ARHGAP6: variants seen among roughly 807,000 people sequenced by gnomAD.
ARHGAP6 encodes rho GTPase-activating protein 6.
A neutral mutation model predicts 55.7 loss-of-function variants in ARHGAP6; 16 were observed. The observed-to-expected ratio is 0.29, with a 90% confidence interval of 0.19 to 0.44. ARHGAP6 has a LOEUF of 0.44. Ranked by LOEUF, ARHGAP6 falls within the 20% of genes least tolerant of loss-of-function variation. The pLI is 1.00. For missense variants in ARHGAP6, 698 were observed against 808.9 expected, an observed-to-expected ratio of 0.86 and a Z score of 1.66; for synonymous variants, 382 against 360.9, an observed-to-expected ratio of 1.06 and a Z score of -0.66.
intron 1 of ARHGAP6, among the ~76,000 whole-genome samples, chrX:11,567,314 T>C (rs994392707): frequency 2.7e-5 from 3 of 110,546 alleles, no homozygotes; most frequent in Admixed American, 9.6e-5. Flanking sequence ...GTTACTTCTG[T>C]GAGCAATTTG....
chrX:11,367,721 T>A, intron 1 of ARHGAP6: 1 of 643,510 alleles, frequency 1.6e-6, no homozygotes, highest in South Asian at 8.1e-5. Context: ...ATCTTGTGCT[T>A]GTGGCTGGCT....
chrX:11,388,002 T>C (rs777162663), intron 1 of ARHGAP6, among the ~76,000 whole-genome samples: 14 of 112,047 alleles, frequency 1.2e-4, no homozygotes, highest in Admixed American at 6.6e-4. Flanking sequence ...TGAATAGTGC[T>C]GCAATAAACA....
intron 1 of ARHGAP6, among the ~76,000 whole-genome samples, chrX:11,421,622 T>G (rs1322991787): frequency 8.9e-6 from 1 of 112,229 alleles, no homozygotes; most frequent in Non-Finnish European, 1.9e-5. Context: ...TGAAAACTTG[T>G]ACTAGATTAC....
At chrX:11,320,262 A>G (rs964885175) in intron 1 of ARHGAP6, among the ~76,000 whole-genome samples, 2 of 111,925 alleles carry the variant, frequency 1.8e-5, no homozygotes, top group African/African-American at 6.5e-5. Flanking sequence ...CTAGACCGGC[A>G]TCTCCTCAGG....
intron 1 of ARHGAP6, among the ~76,000 whole-genome samples, chrX:11,505,569 A>C (rs1348431833): frequency 9.0e-6 from 1 of 111,516 alleles, no homozygotes; most frequent in Admixed American, 9.6e-5. Context: ...AGAGGAATAT[A>C]AATAATTCTA....
intron 1 of ARHGAP6, among the ~76,000 whole-genome samples, chrX:11,491,970 G>A (rs1403396387): frequency 1.8e-5 from 2 of 108,398 alleles, no homozygotes; most frequent in Admixed American, 2.0e-4. Context: ...GCCAGTGATG[G>A]TAAGCATTTT....
At chrX:11,151,495 C>G (rs1489988507) in intron 10 of ARHGAP6, among the ~76,000 whole-genome samples, 1 of 110,874 alleles carries the variant, frequency 9.0e-6, no homozygotes, top group Non-Finnish European at 1.9e-5. Context: ...TCACAGACTC[C>G]TGGTCTTGCA....
intron 1 of ARHGAP6, among the ~76,000 whole-genome samples, chrX:11,302,738 T>C (rs1299661658): frequency 1.8e-5 from 2 of 111,065 alleles, no homozygotes; most frequent in Non-Finnish European, 3.8e-5. Context: ...TTCTTTCCAT[T>C]ACAATCATTT....
At chrX:11,503,466 T>C (rs1331691774) in intron 1 of ARHGAP6, among the ~76,000 whole-genome samples, 1 of 111,798 alleles carries the variant, frequency 8.9e-6, no homozygotes, top group African/African-American at 3.3e-5. Flanking sequence ...TACATTTTAA[T>C]AATCTTTTTG....
chrX:11,558,836 C>CAAAAAAAAAAAAAAAAAAAA (rs58936931), intron 1 of ARHGAP6, among the ~76,000 whole-genome samples: 1 of 30,079 alleles, frequency 3.3e-5, no homozygotes, highest in Non-Finnish European at 5.6e-5. Context: ...GATTCCATCT[C>CAAAAAAAAAAAAAAAAAAAA]AAAAAAAAAA....
At chrX:11,494,114 G>A (rs1293046642) in intron 1 of ARHGAP6, among the ~76,000 whole-genome samples, 2 of 111,165 alleles carry the variant, frequency 1.8e-5, no homozygotes, top group Non-Finnish European at 3.8e-5. Context: ...AGTGTCCCTG[G>A]TATCTACCCA....
chrX:11,349,211 ATTT>A (rs1468357860), intron 1 of ARHGAP6, among the ~76,000 whole-genome samples: 1 of 111,182 alleles, frequency 9.0e-6, no homozygotes, highest in African/African-American at 3.3e-5. Flanking sequence ...AGACACTGGC[ATTT>A]TTTGCTGAAT....
At chrX:11,519,860 G>T (rs1289054093) in intron 1 of ARHGAP6, among the ~76,000 whole-genome samples, 2 of 104,028 alleles carry the variant, frequency 1.9e-5, no homozygotes, top group Non-Finnish European at 3.9e-5. Context: ...AGATTTAAAC[G>T]TTAGACCTAA....
rs1382076504 is a variant in ARHGAP6 at position 11,665,361 on chromosome X, C to T, written c.-533G>A. On this transcript the variant is annotated 5_prime_UTR_variant, in exon 1 of 13. Coordinates refer to ENST00000337414, the MANE Select transcript of ARHGAP6 (RefSeq NM_013427.3). Reference sequence around the variant, plus strand: ...CCGGCGCCGCGAGAACTTCCTCCCGCTCCTGAGCCGGGCGCCTGAGCTGCG... The same window carrying T: ...CCGGCGCCGCGAGAACTTCCTCCCGTTCCTGAGCCGGGCGCCTGAGCTGCG... 1 of 113,776 alleles carries T rather than the reference C, an allele frequency of 8.8e-6. No homozygotes were observed. The highest frequency in any genetic ancestry group is 9.1e-5 in the Admixed American group (1 of 10,935). The allele number at this position is 113,776 out of a possible 1,213,427, so 9.4% of individuals were successfully genotyped here.
intron 1 of ARHGAP6, among the ~76,000 whole-genome samples, chrX:11,595,688 G>A (rs1421222828): frequency 5.4e-5 from 6 of 111,553 alleles, no homozygotes; most frequent in Admixed American, 9.5e-5. Flanking sequence ...CTGACAAAGG[G>A]CTAATATCCA....
intron 1 of ARHGAP6, among the ~76,000 whole-genome samples, chrX:11,591,027 A>C (rs1037954459): frequency 9.3e-6 from 1 of 107,886 alleles, no homozygotes; most frequent in Admixed American, 1.0e-4. Flanking sequence ...CCCCGTCTCT[A>C]CTAAAAATAC....
At chrX:11,144,674 G>C (rs1346231395) in intron 10 of ARHGAP6, among the ~76,000 whole-genome samples, 4 of 112,346 alleles carry the variant, frequency 3.6e-5, no homozygotes, top group Non-Finnish European at 7.5e-5. Flanking sequence ...AAATAATTCA[G>C]ATAAAACTAT....
At chrX:11,457,298 A>T (rs1390125309) in intron 1 of ARHGAP6, among the ~76,000 whole-genome samples, 1 of 111,793 alleles carries the variant, frequency 8.9e-6, no homozygotes, top group Non-Finnish European at 1.9e-5. Context: ...AGTCCCTACA[A>T]GGTGACTTAT....
intron 1 of ARHGAP6, among the ~76,000 whole-genome samples, chrX:11,450,833 C>G (rs1433191184): frequency 9.0e-6 from 1 of 111,498 alleles, no homozygotes; most frequent in Non-Finnish European, 1.9e-5. Flanking sequence ...ATTTGCACAC[C>G]TCCCTCCATT....
Sources: allele counts gnomAD v4.1 joint callset (sites outside exome capture counted in the v4.1 genomes callset), GRCh38; gene constraint gnomAD v4.1.1; transcripts MANE v1.5; gene names NCBI Gene and HGNC (gene_info 2026-07-23, HGNC 2026-07-21).